ADAM22: variants seen among roughly 807,000 people sequenced by gnomAD.
ADAM22 encodes disintegrin and metalloproteinase domain-containing protein 22.
In ADAM22, 65 loss-of-function variants were observed where a neutral mutation model predicts 144.6. That is an observed-to-expected ratio of 0.45 (90% CI 0.37 to 0.55). The LOEUF (loss-of-function observed/expected upper bound fraction) is 0.55. ADAM22 is among the 20% of genes least tolerant of loss of function. The pLI is 0.00. For missense variants in ADAM22, 974 were observed against 1,184.9 expected, an observed-to-expected ratio of 0.82 and a Z score of 2.61; for synonymous variants, 391 against 412.6, an observed-to-expected ratio of 0.95 and a Z score of 0.63.
chr7:87,934,848 C>T, intron 1 of ADAM22, 178 bp from the exon 2 acceptor site: 1 of 862,298 alleles, frequency 1.2e-6, no homozygotes. Flanking sequence ...CTCGGATGAG[C>T]TGGTCCAAGG....
chr7:88,178,397 T>C (rs898560842), intron 26 of ADAM22, among the ~76,000 whole-genome samples: 3 of 152,182 alleles, frequency 2.0e-5, no homozygotes, highest in Non-Finnish European at 4.4e-5. Context: ...GTTAAATGAA[T>C]AATGAAGCTC....
Position 87,934,360 on chromosome 7 carries a change from G to A in ADAM22, c.-106G>A, listed in dbSNP as rs1840653694. 3.7e-6 allele frequency: 4 copies of A among 1,073,034 alleles called. No homozygotes were observed. Among genetic ancestry groups the A allele is most frequent in the African/African-American group, 3.3e-5 (2 of 61,118 alleles). 66.5% of individuals were successfully genotyped at this position (1,073,034 alleles called of 1,614,324 possible). ...GCCGCAGCACCGGCCGGGGCTGGGT[G>A]GAGGTGGCCGCGGGGACCCCGGGGG... On this transcript the variant is annotated 5_prime_UTR_variant, in exon 1 of 32. Transcript: ENST00000413139.
chr7:88,100,158 G>T (rs1034426565), intron 4 of ADAM22, among the ~76,000 whole-genome samples: 1 of 152,098 alleles, frequency 6.6e-6, no homozygotes, highest in Non-Finnish European at 1.5e-5. Flanking sequence ...CAACTTTTCT[G>T]TGTATCAGAA....
intron 4 of ADAM22, among the ~76,000 whole-genome samples, chr7:88,098,226 T>C (rs1821979660): frequency 6.6e-6 from 1 of 152,126 alleles, no homozygotes; most frequent in Non-Finnish European, 1.5e-5. Context: ...TGATGAGTAT[T>C]TTAAAATAAA....
intron 7 of ADAM22, among the ~76,000 whole-genome samples, chr7:88,122,360 A>T (rs1377239370): frequency 6.6e-6 from 1 of 152,168 alleles, no homozygotes; most frequent in Non-Finnish European, 1.5e-5. Flanking sequence ...GCTGTATTCC[A>T]TTGGTTGGAA....
intron 3 of ADAM22, among the ~76,000 whole-genome samples, chr7:88,059,916 ATATT>A (rs1185215443): frequency 6.6e-6 from 1 of 152,088 alleles, no homozygotes; most frequent in East Asian, 1.9e-4. Context: ...ACTGGGTACT[ATATT>A]TACTATTTGG....
chr7:88,180,990 A>G (rs982097753), intron 27 of ADAM22, among the ~76,000 whole-genome samples: 2 of 152,154 alleles, frequency 1.3e-5, no homozygotes, highest in African/African-American at 4.8e-5. Context: ...GAAAAATGCC[A>G]ATTCTTAGAA....
At chr7:87,985,483 C>G (rs1788255987) in intron 3 of ADAM22, among the ~76,000 whole-genome samples, 1 of 152,130 alleles carries the variant, frequency 6.6e-6, no homozygotes, top group South Asian at 2.1e-4. Flanking sequence ...ATGTAAACCT[C>G]ATTCCTGGTC....
At chr7:88,008,766 G>A (rs1794628625) in intron 3 of ADAM22, among the ~76,000 whole-genome samples, 2 of 151,742 alleles carry the variant, frequency 1.3e-5, no homozygotes, top group African/African-American at 4.9e-5. Context: ...GGGGGTAGGG[G>A]GTATAGCATT....
chr7:88,109,809 G>A (rs1453955401), intron 5 of ADAM22, among the ~76,000 whole-genome samples: 1 of 151,964 alleles, frequency 6.6e-6, no homozygotes, highest in Admixed American at 6.6e-5. Context: ...TAAGGGCTCT[G>A]GAAACATGCC....
intron 2 of ADAM22, among the ~76,000 whole-genome samples, chr7:87,936,743 G>C (rs995298649): frequency 1.3e-5 from 2 of 151,794 alleles, no homozygotes; most frequent in African/African-American, 4.8e-5. Context: ...AAAATTAGGA[G>C]TAATTTCTTA....
chr7:88,181,698 CTT>C, intron 28 of ADAM22, 93 bp downstream of exon 28: 2 of 1,095,356 alleles, frequency 1.8e-6, no homozygotes, highest in South Asian at 3.0e-5. Flanking sequence ...CTTTGAAGCT[CTT>C]TAGCTCTTCT....
chr7:88,086,187 A>G (rs1472986058), intron 4 of ADAM22, among the ~76,000 whole-genome samples: 2 of 152,310 alleles, frequency 1.3e-5, no homozygotes, highest in East Asian at 3.9e-4. Context: ...AAAATAAAAT[A>G]AAATAATAAT....
At chr7:87,960,560 A>G (rs570839178) in intron 2 of ADAM22, among the ~76,000 whole-genome samples, 3 of 152,268 alleles carry the variant, frequency 2.0e-5, no homozygotes, top group African/African-American at 7.2e-5. Flanking sequence ...AGAGCTATTA[A>G]TCATGCCTTT....
At chr7:88,156,912 G>T (rs1563348853) in intron 22 of ADAM22, among the ~76,000 whole-genome samples, 1 of 138,394 alleles carries the variant, frequency 7.2e-6, no homozygotes, top group African/African-American at 2.7e-5. Context: ...TCTGTAACAT[G>T]AAAAAAAAAA....
intron 2 of ADAM22, among the ~76,000 whole-genome samples, chr7:87,971,363 G>A (rs1287452299): frequency 6.6e-6 from 1 of 152,020 alleles, no homozygotes; most frequent in Non-Finnish European, 1.5e-5. Context: ...TGATGAAAAA[G>A]GCCTACCAGG....
intron 3 of ADAM22, among the ~76,000 whole-genome samples, chr7:88,067,669 T>C (rs1811632398): frequency 6.6e-6 from 1 of 152,244 alleles, no homozygotes; most frequent in East Asian, 1.9e-4. Flanking sequence ...CTTTGCTTTA[T>C]TAGGAACAGG....
chr7:87,980,287 CTTT>C (rs71120015), intron 3 of ADAM22, among the ~76,000 whole-genome samples: 5 of 118,412 alleles, frequency 4.2e-5, no homozygotes, highest in Admixed American at 8.2e-5. Flanking sequence ...GCACTGTGCT[CTTT>C]TTTTTTTTTG....
intron 2 of ADAM22, among the ~76,000 whole-genome samples, chr7:87,954,106 T>A (rs1288667815): frequency 6.6e-6 from 1 of 152,164 alleles, no homozygotes; most frequent in East Asian, 1.9e-4. Flanking sequence ...AATTTGCCAG[T>A]CTGTGTCTTT....
Sources: gnomAD v4.1 joint callset for allele counts (sites outside exome capture counted in the v4.1 genomes callset) on GRCh38, gnomAD v4.1.1 for gene constraint, MANE v1.5 for transcripts, NCBI Gene and HGNC (gene_info 2026-07-23, HGNC 2026-07-21) for gene names.